Variants in TMEM131L observed in about 807,000 individuals in gnomAD.
TMEM131L encodes the protein transmembrane 131 like.
A neutral mutation model predicts 192.2 loss-of-function variants in TMEM131L; 54 were observed. That is an observed-to-expected ratio of 0.28 (90% confidence interval 0.23 to 0.35). The LOEUF (loss-of-function observed/expected upper bound fraction) is 0.35. Ranked by LOEUF, TMEM131L falls within the 10% of genes least tolerant of loss-of-function variation. The pLI is 1.00. For missense variants in TMEM131L, 1,888 were observed against 1,972.9 expected (o/e 0.96, Z 0.82); for synonymous variants, 701 against 704.9 (o/e 0.99, Z 0.09).
At chr4:153,634,110 AGG>A in intron 32 of TMEM131L, 80 bp from the exon 33 acceptor site, 1 of 1,143,062 alleles carries the variant, frequency 8.7e-7, no homozygotes, top group Non-Finnish European at 1.3e-6. Context: ...TTAGGATGCT[AGG>A]CAGTAAAATC....
chr4:153,512,621 C>T (rs1734430521), intron 3 of TMEM131L, among the ~76,000 whole-genome samples: 1 of 152,048 alleles, frequency 6.6e-6, no homozygotes, highest in Non-Finnish European at 1.5e-5. Flanking sequence ...CTGCTTTCAT[C>T]CTTTATCTTT....
rs749864287 is a variant in TMEM131L at position 153,620,857 on chromosome 4, A to T, written c.3669A>T (p.Lys1223Asn). 4.4e-6 allele frequency: 7 copies of T among 1,599,712 alleles called. No homozygotes were observed. In the African/African-American group the frequency reaches 9.5e-5, roughly 22 times the overall value. ...GTCGAACATGTAGAAAGAACAAGAA[A>T]AGGGGTGTTGCTCCAGTCTCAAGGT... ...SKSRTCRKNKKRGVAPVSRPP... is the reference protein window; with the variant it reads ...SKSRTCRKNKNRGVAPVSRPP... Residue 1223 changes from lysine (K) to asparagine (N), a missense_variant, in exon 27 of 35, where the codon AAA becomes AAT. Lys to Asn is a moderately conservative substitution (Grantham distance 94, BLOSUM62 0). Coordinates refer to ENST00000409959, the MANE Select transcript of TMEM131L (RefSeq NM_001131007.2).
At chr4:153,519,685 CAG>C in intron 3 of TMEM131L, among the ~76,000 whole-genome samples, 1 of 152,286 alleles carries the variant, frequency 6.6e-6, no homozygotes, top group Non-Finnish European at 1.5e-5. Flanking sequence ...GGACCAATTT[CAG>C]AGACAGAAAT....
chr4:153,565,668 C>A (rs1479460123), intron 7 of TMEM131L, among the ~76,000 whole-genome samples: 1 of 152,098 alleles, frequency 6.6e-6, no homozygotes, highest in Non-Finnish European at 1.5e-5. Flanking sequence ...TTCTCTGAAG[C>A]ATTTTTATTA....
At chr4:153,635,387 C>T in intron 33 of TMEM131L, 45 bp from the exon 34 acceptor site, 4 of 1,593,990 alleles carry the variant, frequency 2.5e-6, no homozygotes, top group South Asian at 2.2e-5. Context: ...ATTCAGTTCT[C>T]AATGAAAATG....
Position 153,603,993 on chromosome 4 carries a change from C to G in TMEM131L, c.2981C>G (p.Ala994Gly), listed in dbSNP as rs371700255. 1 of 1,614,032 alleles carries G rather than the reference C, an allele frequency of 6.2e-7. No individual in the cohort carries two copies. Among genetic ancestry groups the G allele is most frequent in the Admixed American group, 1.7e-5 (1 of 60,006 alleles). ...AGTAAACACAAAACCAGCACAGCTGCGGCCAGCAGCACCAGCACGACTACT... is the reference window on the plus strand; with the variant it reads ...AGTAAACACAAAACCAGCACAGCTGGGGCCAGCAGCACCAGCACGACTACT... ...YYSKHKTSTAAASSTSTTTEE... is the reference protein window; with the variant it reads ...YYSKHKTSTAGASSTSTTTEE... The change falls in exon 25 of 35, where the codon GCG becomes GGG. Residue 994 changes from alanine to glycine, a missense_variant. Physicochemically the swap from Ala to Gly is moderately conservative, Grantham distance 60. Transcript: ENST00000409959.
At chr4:153,540,327 C>G (rs893803821) in intron 3 of TMEM131L, among the ~76,000 whole-genome samples, 1 of 152,058 alleles carries the variant, frequency 6.6e-6, no homozygotes, top group East Asian at 1.9e-4. Context: ...TGTTTTTTCA[C>G]TTCGTTAAAA....
chr4:153,573,229 A>C (rs1468455346), intron 7 of TMEM131L, among the ~76,000 whole-genome samples: 1 of 152,260 alleles, frequency 6.6e-6, no homozygotes, highest in Non-Finnish European at 1.5e-5. Context: ...TTGAGGAACC[A>C]CCACAGCGTC....
At chr4:153,618,514 A>C (rs1017244805) in intron 26 of TMEM131L, among the ~76,000 whole-genome samples, 1 of 150,578 alleles carries the variant, frequency 6.6e-6, no homozygotes, top group Non-Finnish European at 1.5e-5. Flanking sequence ...AAAACCTCCA[A>C]ATAACTCAAT....
At chr4:153,556,870 G>A (rs1728500204) in intron 5 of TMEM131L, 96 bp from the exon 6 acceptor site, 2 of 675,106 alleles carry the variant, frequency 3.0e-6, no homozygotes, top group African/African-American at 1.8e-5. Flanking sequence ...ATATACAAAT[G>A]TCTGTTAACA....
At chr4:153,518,190 G>A (rs1386222044) in intron 3 of TMEM131L, among the ~76,000 whole-genome samples, 1 of 152,170 alleles carries the variant, frequency 6.6e-6, no homozygotes, top group African/African-American at 2.4e-5. Context: ...AGGTGCTTGC[G>A]TTCTCACACA....
intron 3 of TMEM131L, among the ~76,000 whole-genome samples, chr4:153,476,952 C>A (rs540818869): frequency 6.6e-6 from 1 of 152,140 alleles, no homozygotes; most frequent in African/African-American, 2.4e-5. Context: ...AGCTGGTAAA[C>A]GCCCACAATT....
chr4:153,490,397 A>C (rs959375022), intron 3 of TMEM131L, among the ~76,000 whole-genome samples: 16 of 152,132 alleles, frequency 1.1e-4, no homozygotes, highest in African/African-American at 3.9e-4. Context: ...GAAATGTGAG[A>C]GTGAGATGGA....
intron 3 of TMEM131L, among the ~76,000 whole-genome samples, chr4:153,534,827 C>CTTTGGTTT (rs1736190377): frequency 6.6e-6 from 1 of 152,162 alleles, no homozygotes; most frequent in Non-Finnish European, 1.5e-5. Context: ...CTGCAAAGGA[C>CTTTGGTTT]TTTAAGGTAG....
chr4:153,629,710 T>C (rs1734085854), intron 31 of TMEM131L, among the ~76,000 whole-genome samples: 1 of 152,208 alleles, frequency 6.6e-6, no homozygotes, highest in Non-Finnish European at 1.5e-5. Flanking sequence ...TGCTGAGTGC[T>C]TGGTTAAGTC....
intron 7 of TMEM131L, among the ~76,000 whole-genome samples, chr4:153,566,350 T>A (rs753702092): frequency 4.1e-4 from 62 of 152,094 alleles, no homozygotes; most frequent in Non-Finnish European, 6.6e-4. Context: ...TTAGCCAGGA[T>A]GGTCTTGATC....
At chr4:153,606,246 G>A (rs1486484212) in intron 25 of TMEM131L, among the ~76,000 whole-genome samples, 8 of 152,216 alleles carry the variant, frequency 5.3e-5, no homozygotes, top group Admixed American at 5.2e-4. Flanking sequence ...TGTTACGTGA[G>A]TCTTTTAGGC....
chr4:153,512,951 C>T lies in TMEM131L; in HGVS notation c.240-37122C>T, dbSNP rs543388567. Among the ~76,000 whole-genome samples the T allele has an allele frequency of 1.3e-3, 202 of 152,342 alleles. 1 individual carries two copies. The highest frequency in any genetic ancestry group is 4.5e-3 in the African/African-American group (189 of 41,562). On this transcript the variant is annotated intron_variant, in intron 3 of 34. Transcript: ENST00000409959. ...GTGTTATTTTACATGTGCAGGCTAT[C>T]TGCATGATCAGTAGCCATTAATGAA...
intron 25 of TMEM131L, among the ~76,000 whole-genome samples, chr4:153,606,346 T>G (rs1732236011): frequency 6.6e-6 from 1 of 152,230 alleles, no homozygotes; most frequent in South Asian, 2.1e-4. Flanking sequence ...TCTTCTGTGA[T>G]CGCTTGTGCC....
Sources: gnomAD v4.1 joint callset for allele counts (sites outside exome capture counted in the v4.1 genomes callset) on GRCh38, gnomAD v4.1.1 for gene constraint, MANE v1.5 for transcripts, NCBI Gene and HGNC (gene_info 2026-07-23, HGNC 2026-07-21) for gene names.